The following ALK variants were observed in gnomAD, a reference collection of about 807,000 sequenced individuals.
The protein encoded by ALK is ALK tyrosine kinase receptor.
In ALK, 74 loss-of-function variants were observed where a neutral mutation model predicts 163.1. The observed-to-expected ratio is 0.45, with a 90% CI of 0.38 to 0.55. ALK has a LOEUF of 0.55. Ranked by LOEUF, ALK falls within the 20% of genes least tolerant of loss-of-function variation. ALK has a pLI of 0.00. For synonymous variants in ALK, 960 were observed against 843.2 expected, an observed-to-expected ratio of 1.14 and a Z score of -2.40; for missense variants, 2,063 against 2,105.3, an observed-to-expected ratio of 0.98 and a Z score of 0.39.
chr2:29,562,001 T>C (rs1449862338), intron 3 of ALK, among the ~76,000 whole-genome samples: 2 of 152,172 alleles, frequency 1.3e-5, no homozygotes, highest in Non-Finnish European at 2.9e-5. Flanking sequence ...TCTAGTGAAC[T>C]TTGGATTAAT....
chr2:29,340,104 T>C (rs1667746020), intron 5 of ALK, among the ~76,000 whole-genome samples: 1 of 152,240 alleles, frequency 6.6e-6, no homozygotes, highest in Admixed American at 6.5e-5. Flanking sequence ...ATCTGTAATA[T>C]TATAAATGAC....
intron 8 of ALK, among the ~76,000 whole-genome samples, chr2:29,302,493 G>A (rs1666399806): frequency 1.3e-5 from 2 of 152,186 alleles, no homozygotes; most frequent in South Asian, 4.1e-4. Context: ...ACTCCAGCCT[G>A]GGGGACAAGA....
At chr2:29,470,274 T>C (rs1372019958) in intron 4 of ALK, among the ~76,000 whole-genome samples, 1 of 152,004 alleles carries the variant, frequency 6.6e-6, no homozygotes, top group African/African-American at 2.4e-5. Context: ...CTAAAATACA[T>C]ATAATTTGAA....
At chr2:29,654,702 T>C (rs575827066) in intron 3 of ALK, among the ~76,000 whole-genome samples, 4 of 152,302 alleles carry the variant, frequency 2.6e-5, no homozygotes, top group East Asian at 1.9e-4. Flanking sequence ...TATTGAAAGA[T>C]GTTATTTCCA....
intron 3 of ALK, among the ~76,000 whole-genome samples, chr2:29,689,358 G>A (rs1354048419): frequency 1.3e-5 from 2 of 152,236 alleles, no homozygotes; most frequent in African/African-American, 4.8e-5. Flanking sequence ...TATCCTGAGA[G>A]AATTTTCCCG....
intron 26 of ALK, among the ~76,000 whole-genome samples, chr2:29,200,827 G>A (rs1176980547): frequency 1.0e-4 from 11 of 106,568 alleles, no homozygotes; most frequent in African/African-American, 1.7e-4. Context: ...ACATATATAC[G>A]TATATATATG....
At chr2:29,915,316 C>G (rs1327442823) in intron 1 of ALK, among the ~76,000 whole-genome samples, 1 of 152,222 alleles carries the variant, frequency 6.6e-6, no homozygotes, top group East Asian at 1.9e-4. Context: ...TCACTGAAAC[C>G]TCCAACTCCC....
chr2:29,298,139 C>A (rs17783776), intron 8 of ALK, among the ~76,000 whole-genome samples: 17,411 of 152,210 alleles, frequency 0.11, 1,194 homozygotes, highest in Non-Finnish European at 0.15. Flanking sequence ...TGCATACAAA[C>A]CCTTCACTAA....
At chr2:29,261,338 T>A (rs1665083588) in intron 11 of ALK, among the ~76,000 whole-genome samples, 1 of 152,170 alleles carries the variant, frequency 6.6e-6, no homozygotes, top group Non-Finnish European at 1.5e-5. Context: ...TCATGGGTTT[T>A]CAGTTTTGAT....
rs145633268 is a variant in ALK, at chr2:29,872,595, C to CGCT, written c.667+47395_667+47397dup. On this transcript the variant is annotated intron_variant, in intron 1 of 28. Transcript: ENST00000389048. ...GTGTGGCTGACTGGAAGCCTTTGTT[C>CGCT]GCTGCTGCTGCCCAGCATTGCAAAA... 4.6e-4 allele frequency among the ~76,000 whole-genome samples: 70 copies of CGCT among 152,278 alleles called. No individual in the cohort carries two copies. The East Asian group carries it at 0.013, about 28-fold the overall frequency.
At chr2:29,829,697 C>G (rs1558507383) in intron 1 of ALK, among the ~76,000 whole-genome samples, 1 of 152,152 alleles carries the variant, frequency 6.6e-6, no homozygotes, top group Non-Finnish European at 1.5e-5. Flanking sequence ...AACAGTGAAC[C>G]TATCCTAATA....
chr2:29,196,744 T>C, intron 28 of ALK, 26 bp downstream of exon 28: 1 of 1,558,550 alleles, frequency 6.4e-7, no homozygotes, highest in Non-Finnish European at 8.9e-7. Context: ...AGAGTAAATG[T>C]TGACCAAAGG....
intron 1 of ALK, among the ~76,000 whole-genome samples, chr2:29,881,880 T>C (rs1378561796): frequency 3.9e-5 from 6 of 152,210 alleles, no homozygotes; most frequent in African/African-American, 1.4e-4. Flanking sequence ...TTTTCTGTAG[T>C]TTCTACTCCC....
Position 29,493,813 on chromosome 2 carries a change from T to C in ALK, c.1154+38102A>G, listed in dbSNP as rs138863404. On this transcript the variant is annotated intron_variant, in intron 4 of 28. Transcript: ENST00000389048. ...GTGAACAGGCTCCCTGGAGGTACCATGCGAAGCCCTTAGGACTTGGTTGGT... is the reference window on the plus strand; with the variant it reads ...GTGAACAGGCTCCCTGGAGGTACCACGCGAAGCCCTTAGGACTTGGTTGGT... Among the ~76,000 whole-genome samples the C allele has an allele frequency of 3.7e-3, 558 of 152,300 alleles. 5 individuals are homozygous for C. Among genetic ancestry groups the C allele is most frequent in the African/African-American group, 0.011 (465 of 41,564 alleles).
chr2:29,540,997 G>A (rs969757482), intron 3 of ALK, among the ~76,000 whole-genome samples: 13 of 152,146 alleles, frequency 8.5e-5, no homozygotes, highest in South Asian at 2.1e-4. Flanking sequence ...AAAAAAAGTA[G>A]TTTATAGACT....
intron 3 of ALK, among the ~76,000 whole-genome samples, chr2:29,534,242 A>G (rs80299403): frequency 0.16 from 24,985 of 152,190 alleles, 2,418 homozygotes; most frequent in South Asian, 0.23. Flanking sequence ...GAGGGAATTA[A>G]TATTGACCCA....
chr2:29,882,232 A>G (rs1368702358), intron 1 of ALK, among the ~76,000 whole-genome samples: 1 of 152,230 alleles, frequency 6.6e-6, no homozygotes, highest in Non-Finnish European at 1.5e-5. Flanking sequence ...GTCAGACCGG[A>G]AAGTTTAAAA....
chr2:29,855,959 A>G (rs903521638), intron 1 of ALK, among the ~76,000 whole-genome samples: 4 of 152,226 alleles, frequency 2.6e-5, no homozygotes, highest in Non-Finnish European at 5.9e-5. Flanking sequence ...GATGACATTA[A>G]TTTAAAATTC....
Position 29,880,477 on chromosome 2 carries a change from T to C in ALK, c.667+39516A>G, listed in dbSNP as rs906395545. Among the ~76,000 whole-genome samples, 39 of 152,272 alleles carry C rather than the reference T, an allele frequency of 2.6e-4. 1 individual carries two copies. Among genetic ancestry groups the C allele is most frequent in the Admixed American group, 2.6e-3 (39 of 15,292 alleles). On this transcript the variant is annotated intron_variant, in intron 1 of 28. Transcript: ENST00000389048. ...CCTGCTGAAAAGCTGATGAAAGCTA[T>C]GGACTCCCCACTTTGGACCAAATTA...
Sources: allele counts gnomAD v4.1 joint callset (sites outside exome capture counted in the v4.1 genomes callset), GRCh38; gene constraint gnomAD v4.1.1; transcripts MANE v1.5; gene names NCBI Gene and HGNC (gene_info 2026-07-23, HGNC 2026-07-21).